ARFGEF1: variants seen among roughly 807,000 people sequenced by gnomAD.
ARFGEF1 encodes brefeldin A-inhibited guanine nucleotide-exchange protein 1.
A neutral mutation model predicts 231.0 loss-of-function variants in ARFGEF1; 42 were observed. The observed-to-expected ratio is 0.18, with a 90% confidence interval of 0.14 to 0.24. ARFGEF1 has a LOEUF of 0.24. ARFGEF1 is among the 10% of genes least tolerant of loss of function. ARFGEF1 has a pLI of 1.00. For missense variants in ARFGEF1, 1,345 were observed against 2,192.0 expected (o/e 0.61, Z 7.72); for synonymous variants, 710 against 732.3 (o/e 0.97, Z 0.49).
chr8:67,210,632 T>TG (rs1188002684), intron 34 of ARFGEF1, among the ~76,000 whole-genome samples: 1 of 151,732 alleles, frequency 6.6e-6, no homozygotes, highest in African/African-American at 2.4e-5. Flanking sequence ...CAGAAGGGGG[T>TG]GGAGAAAGAA....
chr8:67,317,414 A>G (rs35480743), intron 1 of ARFGEF1, among the ~76,000 whole-genome samples: 38,421 of 151,820 alleles, frequency 0.25, 5,126 homozygotes, highest in East Asian at 0.38. Context: ...ATACGACTCA[A>G]CTCCAGAACC....
chr8:67,317,869 A>C (rs2128925497), intron 1 of ARFGEF1, among the ~76,000 whole-genome samples: 1 of 149,412 alleles, frequency 6.7e-6, no homozygotes, highest in East Asian at 2.0e-4. Flanking sequence ...ACTGTACTCC[A>C]GCCTGGGTGA....
intron 10 of ARFGEF1, among the ~76,000 whole-genome samples, chr8:67,268,558 T>C (rs1746840070): frequency 6.6e-6 from 1 of 152,044 alleles, no homozygotes; most frequent in African/African-American, 2.4e-5. Context: ...GACATAATTA[T>C]CTCCGCAAAG....
intron 9 of ARFGEF1, among the ~76,000 whole-genome samples, chr8:67,274,793 C>T (rs1484276878): frequency 6.6e-6 from 1 of 152,074 alleles, no homozygotes; most frequent in Non-Finnish European, 1.5e-5. Context: ...ATACCAAATT[C>T]TTATCTCTTT....
At chr8:67,281,345 T>C (rs1805528328) in intron 7 of ARFGEF1, among the ~76,000 whole-genome samples, 1 of 151,918 alleles carries the variant, frequency 6.6e-6, no homozygotes, top group Non-Finnish European at 1.5e-5. Flanking sequence ...CATAAAAAAA[T>C]CAACTGCTAC....
chr8:67,199,131 G>T, intron 38 of ARFGEF1, 33 bp from the exon 39 acceptor site: 5 of 1,592,464 alleles, frequency 3.1e-6, no homozygotes, highest in Non-Finnish European at 4.3e-6. Context: ...CATTAGTAGT[G>T]ATTGCAAACT....
downstream of ARFGEF1, chr8:67,193,750 G>A: frequency 1.7e-6 from 1 of 577,376 alleles, no homozygotes; most frequent in Non-Finnish European, 2.9e-6. Flanking sequence ...TAACTATTGA[G>A]CAAAACCAGA....
intron 1 of ARFGEF1, among the ~76,000 whole-genome samples, chr8:67,311,680 G>A (rs1229848847): frequency 3.3e-5 from 5 of 152,148 alleles, no homozygotes; most frequent in South Asian, 2.1e-4. Context: ...CTGCCCGGCC[G>A]CCCCTACTGG....
Position 67,198,920 on chromosome 8 carries a change from A to G in ARFGEF1, c.*14T>C, listed in dbSNP as rs1297263378. The stretch of plus-strand genomic sequence containing the variant: ...CAGAGGGATGTAAATGCCAACAAAA[A>G]TATTAAGTTCCCATCATTGCTTGTT... On this transcript the variant is annotated 3_prime_UTR_variant, in exon 39 of 39. Coordinates refer to ENST00000262215, the MANE Select transcript of ARFGEF1 (RefSeq NM_006421.5). The G allele has an allele frequency of 4.3e-6, 7 of 1,610,594 alleles. No individual in the cohort carries two copies. In the Admixed American group the frequency reaches 5.1e-5, roughly 12 times the overall value.
intron 18 of ARFGEF1, among the ~76,000 whole-genome samples, chr8:67,251,749 G>C (rs1840290545): frequency 6.6e-6 from 1 of 151,982 alleles, no homozygotes; most frequent in Non-Finnish European, 1.5e-5. Context: ...AATTAGAGGT[G>C]GTAGTTGCAC....
At chr8:67,301,482 T>C in intron 2 of ARFGEF1, 102 bp from the exon 3 acceptor site, 1 of 1,271,410 alleles carries the variant, frequency 7.9e-7, no homozygotes, top group Non-Finnish European at 1.1e-6. Flanking sequence ...GGAATCTTGC[T>C]AAACCAGTCC....
At chr8:67,216,030 A>G (rs575569566) in intron 33 of ARFGEF1, among the ~76,000 whole-genome samples, 26 of 152,214 alleles carry the variant, frequency 1.7e-4, no homozygotes, top group African/African-American at 6.0e-4. Context: ...TCTATGTCCT[A>G]TATTTAAAAA....
intron 29 of ARFGEF1, among the ~76,000 whole-genome samples, chr8:67,222,182 CATATATAT>C (rs60905220): frequency 1.7e-4 from 20 of 117,728 alleles, no homozygotes; most frequent in African/African-American, 4.3e-4. Flanking sequence ...TATATATACA[CATATATAT>C]ATATATATAT....
At chr8:67,287,771 T>C (rs1187748181) in intron 7 of ARFGEF1, among the ~76,000 whole-genome samples, 184 bp downstream of exon 7, 1 of 152,232 alleles carries the variant, frequency 6.6e-6, no homozygotes, top group African/African-American at 2.4e-5. Flanking sequence ...AGTGCTAAAA[T>C]CTTCCATATT....
intron 4 of ARFGEF1, 108 bp downstream of exon 4, chr8:67,299,101 T>C (rs1034272389): frequency 3.6e-6 from 4 of 1,105,942 alleles, no homozygotes; most frequent in East Asian, 2.7e-5. Flanking sequence ...ACCTGTATTA[T>C]AGCTGGAATG....
chr8:67,216,452 A>G (rs1838936816), intron 33 of ARFGEF1, 138 bp downstream of exon 33: 1 of 779,712 alleles, frequency 1.3e-6, no homozygotes, highest in Non-Finnish European at 2.0e-6. Flanking sequence ...AAAAATGTCT[A>G]TTTATAAGTA....
chr8:67,215,843 T>C (rs1838909319), intron 33 of ARFGEF1, among the ~76,000 whole-genome samples: 1 of 152,202 alleles, frequency 6.6e-6, no homozygotes, highest in Non-Finnish European at 1.5e-5. Context: ...AGGAAACCAA[T>C]ACACTGGGTG....
At chr8:67,273,408 T>TC (rs1245701417) in intron 9 of ARFGEF1, among the ~76,000 whole-genome samples, 9 of 143,962 alleles carry the variant, frequency 6.3e-5, no homozygotes, top group Non-Finnish European at 1.0e-4. Context: ...AGTTGGTTTT[T>TC]TTTTTTTTCC....
intron 1 of ARFGEF1, among the ~76,000 whole-genome samples, chr8:67,311,333 T>C (rs1176469467): frequency 2.5e-5 from 2 of 79,596 alleles, no homozygotes; most frequent in Non-Finnish European, 4.8e-5. Flanking sequence ...ATCCAGGAGG[T>C]GAGGGGCGCC....
Sources: gnomAD v4.1 joint callset for allele counts (sites outside exome capture counted in the v4.1 genomes callset) on GRCh38, gnomAD v4.1.1 for gene constraint, MANE v1.5 for transcripts, NCBI Gene and HGNC (gene_info 2026-07-23, HGNC 2026-07-21) for gene names.